AMBRA1: variants seen among roughly 807,000 people sequenced by gnomAD.
AMBRA1 encodes autophagy and beclin 1 regulator 1, also known as activating molecule in BECN1-regulated autophagy protein 1.
AMBRA1 carries 47 observed loss-of-function variants against 125.4 expected under a neutral mutation model. The ratio of observed to expected loss-of-function variants is 0.37; its 90% CI spans 0.30 to 0.48. The LOEUF (loss-of-function observed/expected upper bound fraction) is 0.48. AMBRA1 is among the 20% of genes least tolerant of loss of function. The probability of loss-of-function intolerance (pLI) is 0.99; values close to 1 mark genes in which losing one functional copy is unlikely to be tolerated. For missense variants in AMBRA1, 1,331 were observed against 1,693.4 expected (o/e 0.79, Z 3.76); for synonymous variants, 626 against 655.5 (o/e 0.95, Z 0.69).
At chr11:46,531,029 G>T (rs1419792981) in intron 7 of AMBRA1, among the ~76,000 whole-genome samples, 1 of 152,070 alleles carries the variant, frequency 6.6e-6, no homozygotes, top group Non-Finnish European at 1.5e-5. Context: ...GAAAACAGGT[G>T]CCTGCCACCA....
intron 1 of AMBRA1, chr11:46,549,137 A>G (rs1415974772): frequency 6.6e-6 from 1 of 152,236 alleles, no homozygotes. Context: ...CAAGACTTAC[A>G]AGGAGAAAAC....
chr11:46,424,272 A>C (rs1007015137), intron 14 of AMBRA1, among the ~76,000 whole-genome samples: 2 of 151,974 alleles, frequency 1.3e-5, no homozygotes, highest in Non-Finnish European at 2.9e-5. Context: ...AATTTGTTCA[A>C]ATTTGTTGCC....
At chr11:46,403,532 C>A (rs542369593) in intron 17 of AMBRA1, among the ~76,000 whole-genome samples, 3 of 152,322 alleles carry the variant, frequency 2.0e-5, no homozygotes, top group African/African-American at 4.8e-5. Flanking sequence ...ATGCCCACTG[C>A]AAGCTAGGGA....
chr11:46,576,757 C>T (rs2043973644), intron 1 of AMBRA1, among the ~76,000 whole-genome samples: 1 of 152,140 alleles, frequency 6.6e-6, no homozygotes, highest in Admixed American at 6.6e-5. Flanking sequence ...ATATAGGAAG[C>T]CCATTTCAAA....
intron 1 of AMBRA1, among the ~76,000 whole-genome samples, chr11:46,586,608 T>C (rs1288524262): frequency 6.6e-6 from 1 of 152,224 alleles, no homozygotes; most frequent in Non-Finnish European, 1.5e-5. Flanking sequence ...TCATGTGTTC[T>C]TTTGGAAAAC....
rs867103195 is a variant in AMBRA1 at position 46,547,857 on chromosome 11, T to C, written c.154A>G (p.Ser52Gly). 3 of 1,607,704 alleles carry C rather than the reference T, an allele frequency of 1.9e-6. No homozygotes were observed. The highest frequency in any genetic ancestry group is 1.7e-6 in the Non-Finnish European group (2 of 1,177,540). Residue 52 changes from serine (S) to glycine (G), a missense_variant, in exon 3 of 18, where the codon AGT becomes GGT. By Grantham distance (56) the Ser-to-Gly change is moderately conservative. This residue lies in a region of AMBRA1 where 144 missense variants were observed against 250.4 expected (regional missense o/e 0.58). Coordinates refer to ENST00000683756, the MANE Select transcript of AMBRA1 (RefSeq NM_001387011.1). ...GCCAATAAGAAGGTAGAGCGTGGAC[T>C]ATCCGGCAGTTCTACTCTCTGGGAG... ...WEGKRVELPDSPRSTFLLAFS... is the reference protein window; with the variant it reads ...WEGKRVELPDGPRSTFLLAFS...
chr11:46,492,052 T>C (rs1950480959), intron 11 of AMBRA1, among the ~76,000 whole-genome samples: 1 of 152,160 alleles, frequency 6.6e-6, no homozygotes, highest in African/African-American at 2.4e-5. Context: ...AGCAAGTTAT[T>C]ATCTGCCAGT....
intron 11 of AMBRA1, among the ~76,000 whole-genome samples, chr11:46,471,763 G>A (rs1302818316): frequency 6.6e-6 from 1 of 151,614 alleles, no homozygotes; most frequent in Non-Finnish European, 1.5e-5. Flanking sequence ...GAGTAACTGG[G>A]ACTACAGGCA....
chr11:46,469,451 G>A (rs1949479031), intron 11 of AMBRA1, among the ~76,000 whole-genome samples: 1 of 152,092 alleles, frequency 6.6e-6, no homozygotes, highest in Non-Finnish European at 1.5e-5. Context: ...TGAAAAAAAG[G>A]TATGGTTCCT....
intron 7 of AMBRA1, among the ~76,000 whole-genome samples, chr11:46,540,338 TAA>T: frequency 6.6e-6 from 1 of 152,292 alleles, no homozygotes; most frequent in African/African-American, 2.4e-5. Context: ...AATAAACTTT[TAA>T]AGTGCCTACT....
At chr11:46,524,848 G>A (rs984516199) in intron 7 of AMBRA1, among the ~76,000 whole-genome samples, 3 of 152,234 alleles carry the variant, frequency 2.0e-5, no homozygotes, top group Non-Finnish European at 4.4e-5. Flanking sequence ...GGTATAAACA[G>A]GGGTACCTGA....
chr11:46,560,743 A>G (rs2135237329), intron 1 of AMBRA1, among the ~76,000 whole-genome samples: 1 of 152,354 alleles, frequency 6.6e-6, no homozygotes, highest in Non-Finnish European at 1.5e-5. Context: ...AAAAGAATCA[A>G]GAAGACCAAG....
intron 1 of AMBRA1, among the ~76,000 whole-genome samples, chr11:46,580,064 C>T (rs564129967): frequency 6.6e-6 from 1 of 152,356 alleles, no homozygotes; most frequent in East Asian, 1.9e-4. Flanking sequence ...CGTCCCTTCC[C>T]ATGCCTTAAA....
At chr11:46,502,877 G>A (rs1024743369) in intron 9 of AMBRA1, among the ~76,000 whole-genome samples, 2 of 151,740 alleles carry the variant, frequency 1.3e-5, no homozygotes, top group African/African-American at 2.4e-5. Context: ...TGGCTAACAC[G>A]GTGAAACCCC....
Position 46,408,624 on chromosome 11 carries a change from A to C in AMBRA1, c.3292T>G (p.Ser1098Ala). The C allele has an allele frequency of 6.2e-7, 1 of 1,609,328 alleles. No individual in the cohort carries two copies. The highest frequency in any genetic ancestry group is 8.5e-7 in the Non-Finnish European group (1 of 1,176,986). Reference sequence around the variant, plus strand: ...GTCTGGGTGCCCTGAGATGTCACTGAGGTGGCAGGGTTCCGGGGCTGAAGC... The same window carrying C: ...GTCTGGGTGCCCTGAGATGTCACTGCGGTGGCAGGGTTCCGGGGCTGAAGC... Reference protein sequence around the residue: ...IGLQPRNPATSVTSQGTQTLA... With the variant: ...IGLQPRNPATAVTSQGTQTLA... Residue 1098 changes from serine to alanine, a missense_variant, in exon 17 of 18, where the codon TCA becomes GCA. Ser to Ala is a moderately conservative substitution (Grantham distance 99, BLOSUM62 1). This residue lies in a region of AMBRA1 where 354 missense variants were observed against 532.7 expected (regional missense o/e 0.66). Transcript: ENST00000683756.
rs976664692 is a variant in AMBRA1, at chr11:46,582,655, T to C, written c.-121+11173A>G. On this transcript the variant is annotated intron_variant, in intron 1 of 17. Transcript: ENST00000683756. ...TCCTGGTTCTGCCATTTGCTAGCTA[T>C]ATACCTTGGGCAAATTGCTTAATTT... Among the ~76,000 whole-genome samples, 3 of 152,332 alleles carry C rather than the reference T, an allele frequency of 2.0e-5. No homozygotes were observed. In the South Asian group the frequency reaches 6.2e-4, roughly 32 times the overall value.
chr11:46,397,150 T>C lies in AMBRA1; in HGVS notation c.*300A>G, dbSNP rs1945497251. On this transcript the variant is annotated 3_prime_UTR_variant, in exon 18 of 18. Coordinates refer to ENST00000683756, the MANE Select transcript of AMBRA1 (RefSeq NM_001387011.1). ...TCCAGGGCTGAGTCCCCTGAGCCCATGTTACTAGGAGAAAGTGGGGTGCCT... is the reference window on the plus strand; with the variant it reads ...TCCAGGGCTGAGTCCCCTGAGCCCACGTTACTAGGAGAAAGTGGGGTGCCT... 1 of 275,390 alleles carries C rather than the reference T, an allele frequency of 3.6e-6. No individual in the cohort carries two copies. The highest frequency in any genetic ancestry group is 6.8e-6 in the Non-Finnish European group (1 of 148,068). 17.1% of individuals were successfully genotyped at this position (275,390 alleles called of 1,614,324 possible).
chr11:46,580,810 G>C (rs1302765967), intron 1 of AMBRA1, among the ~76,000 whole-genome samples: 1 of 151,936 alleles, frequency 6.6e-6, no homozygotes, highest in Non-Finnish European at 1.5e-5. Context: ...TGTTGTTTTG[G>C]AGACAGAGCC....
In AMBRA1 at chr11:46,524,622, C is replaced by T. The variant is rs140133950; in HGVS notation, c.2073-11809G>A. On this transcript the variant is annotated intron_variant, in intron 7 of 17. Coordinates refer to ENST00000683756, the MANE Select transcript of AMBRA1 (RefSeq NM_001387011.1). ...TCTGCTTCCACATTTGAGGGGAAAT[C>T]TCTTATTTCACATGGTTATTATGAT... Among the ~76,000 whole-genome samples, 658 of 152,288 alleles carry T rather than the reference C, an allele frequency of 4.3e-3. 6 individuals are homozygous for T. The highest frequency in any genetic ancestry group is 0.015 in the African/African-American group (635 of 41,538).
Sources: gnomAD v4.1 joint callset for allele counts (sites outside exome capture counted in the v4.1 genomes callset) on GRCh38, gnomAD v4.1.1 for gene constraint, gnomAD v4.1.1 regional missense constraint, MANE v1.5 for transcripts, NCBI Gene and HGNC (gene_info 2026-07-23, HGNC 2026-07-21) for gene names.